The following ALCAM variants were observed in gnomAD, a reference collection of about 807,000 sequenced individuals.
ALCAM encodes activated leukocyte cell adhesion molecule.
A neutral mutation model predicts 70.9 loss-of-function variants in ALCAM; 30 were observed. The observed-to-expected ratio is 0.42, with a 90% confidence interval of 0.32 to 0.57. The LOEUF (loss-of-function observed/expected upper bound fraction) is 0.57, where lower values mean the gene tolerates loss of function less well. ALCAM is among the 20% of genes least tolerant of loss of function. The pLI is 0.11. For missense variants in ALCAM, 591 were observed against 695.1 expected, an observed-to-expected ratio of 0.85 and a Z score of 1.68; for synonymous variants, 249 against 242.5, an observed-to-expected ratio of 1.03 and a Z score of -0.25.
At chr3:105,456,044 A>G (rs867731379) in intron 1 of ALCAM, among the ~76,000 whole-genome samples, 1 of 152,136 alleles carries the variant, frequency 6.6e-6, no homozygotes, top group African/African-American at 2.4e-5. Flanking sequence ...GCGCCAATGG[A>G]CTCTAGCCTG....
chr3:105,480,652 C>T (rs1938247044), intron 1 of ALCAM, among the ~76,000 whole-genome samples: 2 of 152,158 alleles, frequency 1.3e-5, no homozygotes, highest in African/African-American at 4.8e-5. Context: ...TGTAGCAAAA[C>T]AGATCTTGGG....
chr3:105,406,879 A>G (rs1489155910), intron 1 of ALCAM, among the ~76,000 whole-genome samples: 1 of 152,196 alleles, frequency 6.6e-6, no homozygotes, highest in Non-Finnish European at 1.5e-5. Flanking sequence ...AGATATTGCA[A>G]CTGACACCAC....
intron 3 of ALCAM, among the ~76,000 whole-genome samples, chr3:105,527,544 T>C (rs1276093810): frequency 6.6e-6 from 1 of 151,954 alleles, no homozygotes; most frequent in Non-Finnish European, 1.5e-5. Context: ...ACTTGATTAG[T>C]GAGGCTTCAG....
intron 1 of ALCAM, among the ~76,000 whole-genome samples, chr3:105,464,007 T>A (rs2152599249): frequency 6.6e-6 from 1 of 151,570 alleles, no homozygotes; most frequent in Non-Finnish European, 1.5e-5. Context: ...ATATGCAACT[T>A]GTTATTTCAC....
chr3:105,452,289 A>G lies in ALCAM; in HGVS notation c.74-67778A>G, dbSNP rs371698254. Among the ~76,000 whole-genome samples, 3 of 150,870 alleles carry G rather than the reference A, an allele frequency of 2.0e-5. No individual in the cohort carries two copies. The South Asian group carries it at 6.3e-4, about 32-fold the overall frequency. On this transcript the variant is annotated intron_variant, in intron 1 of 15. Coordinates refer to ENST00000306107, the MANE Select transcript of ALCAM (RefSeq NM_001627.4). ...TGTGTCCATGTGTTCTCATTGTTCA[A>G]CTCCCACTTATGAGTGAGAGTCGAA...
At position 105,532,057 on chromosome 3, in the gene ALCAM, G is replaced by T; in HGVS notation, c.450G>T (p.Gln150His). ...AAGCACTGTTTCTCGAAACAGAGCAGCTAAAAAAGGTAAGAATTGTTTTTG... is the reference window on the plus strand; with the variant it reads ...AAGCACTGTTTCTCGAAACAGAGCATCTAAAAAAGGTAAGAATTGTTTTTG... ...VSKALFLETE[Q>H]LKKLGDCISE... Residue 150 changes from glutamine to histidine, a missense_variant, in exon 4 of 16, where the codon CAG becomes CAT. Coordinates refer to ENST00000306107, the MANE Select transcript of ALCAM (RefSeq NM_001627.4). The T allele has an allele frequency of 6.2e-7, 1 of 1,612,946 alleles. No homozygotes were observed. The highest frequency in any genetic ancestry group is 8.5e-7 in the Non-Finnish European group (1 of 1,179,402).
chr3:105,502,533 C>T (rs936568243), intron 1 of ALCAM, among the ~76,000 whole-genome samples: 2 of 152,214 alleles, frequency 1.3e-5, no homozygotes, highest in African/African-American at 4.8e-5. Flanking sequence ...AGCCAGGCAG[C>T]TGCAGGTTAG....
At chr3:105,494,166 C>T (rs1248695080) in intron 1 of ALCAM, among the ~76,000 whole-genome samples, 1 of 152,164 alleles carries the variant, frequency 6.6e-6, no homozygotes, top group African/African-American at 2.4e-5. Flanking sequence ...CTCTGTGAGA[C>T]ATATGGGCCC....
chr3:105,454,491 G>A (rs1432618817), intron 1 of ALCAM, among the ~76,000 whole-genome samples: 1 of 152,006 alleles, frequency 6.6e-6, no homozygotes, highest in Non-Finnish European at 1.5e-5. Flanking sequence ...TTAGACAGGG[G>A]AGACTGAGTA....
At chr3:105,425,677 G>T (rs1209119100) in intron 1 of ALCAM, among the ~76,000 whole-genome samples, 1 of 151,500 alleles carries the variant, frequency 6.6e-6, no homozygotes, top group African/African-American at 2.4e-5. Context: ...TAACAAGTAG[G>T]CATAAATTAA....
chr3:105,548,097 A>G (rs1289694065), intron 11 of ALCAM, among the ~76,000 whole-genome samples: 1 of 151,518 alleles, frequency 6.6e-6, no homozygotes, highest in African/African-American at 2.4e-5. Context: ...CTTCTGAACA[A>G]AAGGGTCATA....
At chr3:105,516,028 A>G (rs1472146310) in intron 1 of ALCAM, among the ~76,000 whole-genome samples, 2 of 151,970 alleles carry the variant, frequency 1.3e-5, no homozygotes, top group African/African-American at 4.8e-5. Flanking sequence ...TAGAGCTCAA[A>G]ACTTCTTTTA....
At chr3:105,549,444 G>T (rs1249502858) in intron 11 of ALCAM, among the ~76,000 whole-genome samples, 1 of 151,426 alleles carries the variant, frequency 6.6e-6, no homozygotes, top group African/African-American at 2.4e-5. Flanking sequence ...TAAGATGACC[G>T]AGAAAAGAGT....
At chr3:105,552,203 T>C in intron 13 of ALCAM, 21 bp downstream of exon 13, 1 of 1,586,784 alleles carries the variant, frequency 6.3e-7, no homozygotes, top group Non-Finnish European at 8.6e-7. Flanking sequence ...TGCTGCCGAC[T>C]CTTCTTCCTT....
At position 105,474,153 on chromosome 3, in the gene ALCAM, T is replaced by C. The variant is rs180850775; in HGVS notation, c.74-45914T>C. ...GGTTTTAGCAATTACCCAAAGCATA[T>C]GCTGTTTTTCCAACAACATCAAATA... is the stretch of plus-strand genomic sequence containing the variant. On this transcript the variant is annotated intron_variant, in intron 1 of 15. Coordinates refer to ENST00000306107, the MANE Select transcript of ALCAM (RefSeq NM_001627.4). Among the ~76,000 whole-genome samples the C allele has an allele frequency of 2.1e-3, 314 of 151,854 alleles. 2 individuals carry two copies. Among genetic ancestry groups the C allele is most frequent in the Non-Finnish European group, 3.6e-3 (241 of 67,792 alleles).
intron 1 of ALCAM, among the ~76,000 whole-genome samples, chr3:105,383,487 C>T (rs986774411): frequency 4.6e-5 from 7 of 151,632 alleles, no homozygotes; most frequent in African/African-American, 1.5e-4. Context: ...ATCAATGAAG[C>T]CTATTTTAAA....
chr3:105,485,894 T>G (rs1410430649), intron 1 of ALCAM, among the ~76,000 whole-genome samples: 6 of 151,842 alleles, frequency 4.0e-5, no homozygotes, highest in African/African-American at 1.5e-4. Context: ...GCTGTAGAAA[T>G]GGACACAAAT....
At position 105,571,971 on chromosome 3, in the gene ALCAM, A is replaced by AGTCT. The variant is rs779976109; in HGVS notation, c.*25+10_*25+13dup. On this transcript the variant is annotated splice_region_variant and intron_variant, in intron 15 of 15. Coordinates refer to ENST00000306107, the MANE Select transcript of ALCAM (RefSeq NM_001627.4). ...AACTGTCCTAGTTGTCCAGGTGAGTAGTCTGTACGAGGTTCATAGAAATAA... is the reference window on the plus strand; with the variant it reads ...AACTGTCCTAGTTGTCCAGGTGAGTAGTCTGTCTGTACGAGGTTCATAGAAATAA... 102 of 1,496,798 alleles carry AGTCT rather than the reference A, an allele frequency of 6.8e-5. 1 individual carries two copies. The highest frequency in any genetic ancestry group is 9.1e-5 in the Non-Finnish European group (98 of 1,078,208). 92.7% of individuals were successfully genotyped at this position (1,496,798 alleles called of 1,614,324 possible). A position where few individuals can be genotyped will look rare whatever the true frequency, so the allele number is the denominator to read the frequency against.
At chr3:105,464,658 C>T (rs55639861) in intron 1 of ALCAM, among the ~76,000 whole-genome samples, 28,168 of 151,226 alleles carry the variant, frequency 0.19, 2,802 homozygotes, top group East Asian at 0.37. Context: ...AAGACTGGAT[C>T]TGTTGATTAA....
Sources: gnomAD v4.1 joint callset for allele counts (sites outside exome capture counted in the v4.1 genomes callset) on GRCh38, gnomAD v4.1.1 for gene constraint, MANE v1.5 for transcripts, NCBI Gene and HGNC (gene_info 2026-07-23, HGNC 2026-07-21) for gene names.